ZNF514: variants seen among roughly 807,000 people sequenced by gnomAD.
ZNF514 encodes the protein zinc finger protein 514.
In ZNF514, 12 loss-of-function variants were observed where a neutral mutation model predicts 9.7. The observed-to-expected ratio is 1.24, with a 90% CI of 0.79 to 2.01. The LOEUF (loss-of-function observed/expected upper bound fraction) is 2.01. ZNF514 is among the 30% of genes most tolerant of loss of function. The pLI is 0.00. For synonymous variants in ZNF514, 158 were observed against 163.7 expected, an observed-to-expected ratio of 0.97 and a Z score of 0.27; for missense variants, 467 against 465.5, an observed-to-expected ratio of 1.00 and a Z score of -0.03.
the ZNF514 span, among the ~76,000 whole-genome samples, chr2:95,130,488 G>A: frequency 6.6e-6 from 1 of 152,320 alleles, no homozygotes; most frequent in Middle Eastern, 3.4e-3. Context: ...TGGGAGACTG[G>A]AGTTTATTTG....
At chr2:95,131,564 G>A in the ZNF514 span, among the ~76,000 whole-genome samples, 69 of 152,256 alleles carry the variant, frequency 4.5e-4, no homozygotes, top group Non-Finnish European at 9.0e-4. Flanking sequence ...TTCCAGTGTC[G>A]GGTGTCAGGT....
Position 95,150,272 on chromosome 2 carries a change from TA to T in ZNF514, c.218-6del, listed in dbSNP as rs34282100. 84,474 of 1,291,170 alleles carry T rather than the reference TA, an allele frequency of 0.065. No homozygotes were observed. Among genetic ancestry groups the T allele is most frequent in the East Asian group, 0.09 (3,409 of 37,932 alleles). The allele number at this position is 1,291,170 out of a possible 1,614,324, so 80.0% of individuals were successfully genotyped here. A position where few individuals can be genotyped will look rare whatever the true frequency, so the allele number is the denominator to read the frequency against. On this transcript the variant is annotated splice_region_variant and splice_polypyrimidine_tract_variant and intron_variant, in intron 4 of 4. Transcript: ENST00000295208. ...ATTTAGACCTTCTCTTCCAGTCTGT[TA>T]AAAAAAAAAAAAAAAAAAGAAGACA...
chr2:95,127,561 GTTGTT>G, the ZNF514 span, among the ~76,000 whole-genome samples: 6 of 150,542 alleles, frequency 4.0e-5, no homozygotes, highest in South Asian at 2.1e-4. Context: ...GTGTTTTTTG[GTTGTT>G]TTGTTTTTGT....
chr2:95,134,890 T>C, the ZNF514 span, among the ~76,000 whole-genome samples: 1 of 152,208 alleles, frequency 6.6e-6, no homozygotes, highest in Admixed American at 6.5e-5. Flanking sequence ...TGTTGAAAAT[T>C]AGTTGACCAT....
chr2:95,150,557 T>C (rs949617755), intron 4 of ZNF514, among the ~76,000 whole-genome samples: 1 of 151,860 alleles, frequency 6.6e-6, no homozygotes, highest in African/African-American at 2.4e-5. Context: ...GTAGGAAGGG[T>C]GACAAGGAAA....
At chr2:95,140,631 A>T (rs1204539952), downstream of ZNF514, among the ~76,000 whole-genome samples, 3 of 151,622 alleles carry the variant, frequency 2.0e-5, no homozygotes, top group African/African-American at 7.3e-5. Context: ...ATATATATAT[A>T]TATGTTGGGA....
intron 4 of ZNF514, among the ~76,000 whole-genome samples, chr2:95,151,454 G>GA (rs1323293012): frequency 6.6e-6 from 1 of 152,116 alleles, no homozygotes; most frequent in African/African-American, 2.4e-5. Flanking sequence ...CAAATGAAAA[G>GA]AAAAAAGGTG....
At chr2:95,154,742 G>A (rs1212118431) in intron 2 of ZNF514, 1 of 152,224 alleles carries the variant, frequency 6.6e-6, no homozygotes, top group Non-Finnish European at 1.5e-5. Flanking sequence ...CAGGGTTGGA[G>A]ACAACCAATT....
At chr2:95,128,622 G>A in the ZNF514 span, among the ~76,000 whole-genome samples, 1 of 151,286 alleles carries the variant, frequency 6.6e-6, no homozygotes, top group Non-Finnish European at 1.5e-5. Context: ...AAAGAAAAAG[G>A]AGGAGGAGGG....
chr2:95,126,392 A>AAAAAGAAAGAAAG, the ZNF514 span, among the ~76,000 whole-genome samples: 1 of 84,446 alleles, frequency 1.2e-5, no homozygotes, highest in African/African-American at 5.6e-5. Flanking sequence ...AAAAAAAAAA[A>AAAAAGAAAGAAAG]AAAGAAAGAA....
At chr2:95,150,543 G>A (rs1322151697) in intron 4 of ZNF514, among the ~76,000 whole-genome samples, 2 of 151,768 alleles carry the variant, frequency 1.3e-5, no homozygotes, top group Non-Finnish European at 3.0e-5. Context: ...AAGATGAGAG[G>A]AGGGTAGGAA....
At chr2:95,152,622 TCC>T in intron 4 of ZNF514, 50 bp downstream of exon 4, 1 of 1,507,726 alleles carries the variant, frequency 6.6e-7, no homozygotes. Flanking sequence ...CTGGGCTACC[TCC>T]CACCCCAGCT....
chr2:95,157,427 T>C lies in ZNF514; in HGVS notation c.-83A>G, dbSNP rs1484194868. 4 of 1,289,394 alleles carry C rather than the reference T, an allele frequency of 3.1e-6. No homozygotes were observed. Among genetic ancestry groups the C allele is most frequent in the Admixed American group, 4.6e-5 (2 of 43,526 alleles). The allele number at this position is 1,289,394 out of a possible 1,614,324, so 79.9% of individuals were successfully genotyped here. On this transcript the variant is annotated 5_prime_UTR_variant, in exon 2 of 5. Transcript: ENST00000295208. Reference sequence around the variant, plus strand: ...TCTCTCTGGAGGAAGAGCAGGATTCTGAGAAGGGGAAGCTGGGAAGGTAGA... The same window carrying C: ...TCTCTCTGGAGGAAGAGCAGGATTCCGAGAAGGGGAAGCTGGGAAGGTAGA...
At chr2:95,132,635 A>C in the ZNF514 span, among the ~76,000 whole-genome samples, 1 of 152,056 alleles carries the variant, frequency 6.6e-6, no homozygotes, top group African/African-American at 2.4e-5. Flanking sequence ...TTTGGGAGGC[A>C]AAGATGGGTG....
At chr2:95,153,039 C>T in intron 3 of ZNF514, 94 bp downstream of exon 3, 1 of 1,512,780 alleles carries the variant, frequency 6.6e-7, no homozygotes, top group East Asian at 2.3e-5. Flanking sequence ...AACCCAGGGC[C>T]AAACTTAGCC....
At chr2:95,157,281 T>G in intron 2 of ZNF514, 70 bp downstream of exon 2, 7 of 1,061,664 alleles carry the variant, frequency 6.6e-6, no homozygotes, top group Non-Finnish European at 9.0e-6. Context: ...AAGAGGCTAC[T>G]TTTTGGTGAA....
At position 95,148,501 on chromosome 2, in the gene ZNF514, A is replaced by C. The variant is rs1482947458; in HGVS notation, c.*781T>G. The C allele has an allele frequency of 1.3e-5, 2 of 152,240 alleles. No individual in the cohort carries two copies. The highest frequency in any genetic ancestry group is 6.5e-5 in the Admixed American group (1 of 15,292). The allele number at this position is 152,240 out of a possible 1,614,324, so 9.4% of individuals were successfully genotyped here. ...GGTTTCTCTTTGAGATGAATACTGA[A>C]GCTTGAACTCTACTAATGGGTTTTC... On this transcript the variant is annotated 3_prime_UTR_variant, in exon 5 of 5. Coordinates refer to ENST00000295208, the MANE Select transcript of ZNF514 (RefSeq NM_032788.3).
In ZNF514 at chr2:95,148,281, C is replaced by T. The variant is rs1673418851; in HGVS notation, c.*1001G>A. 6.6e-6 allele frequency: 1 copy of T among 152,194 alleles called. No individual in the cohort carries two copies. Among genetic ancestry groups the T allele is most frequent in the South Asian group, 2.1e-4 (1 of 4,828 alleles). 9.4% of individuals were successfully genotyped at this position (152,194 alleles called of 1,614,324 possible). A position where few individuals can be genotyped will look rare whatever the true frequency, so the allele number is the denominator to read the frequency against. ...GGTAGCTGTCTACCTTTCTCAGCCT[C>T]CATCCTCTGCACCCATGCATGACAC... On this transcript the variant is annotated 3_prime_UTR_variant, in exon 5 of 5. Coordinates refer to ENST00000295208, the MANE Select transcript of ZNF514 (RefSeq NM_032788.3).
the ZNF514 span, among the ~76,000 whole-genome samples, chr2:95,130,184 A>C: frequency 6.6e-6 from 1 of 152,128 alleles, no homozygotes; most frequent in African/African-American, 2.4e-5. Context: ...AGCCACAAAA[A>C]CCAGCAAGTT....
Sources: allele counts gnomAD v4.1 joint callset (sites outside exome capture counted in the v4.1 genomes callset), GRCh38; gene constraint gnomAD v4.1.1; transcripts MANE v1.5; gene names NCBI Gene and HGNC (gene_info 2026-07-23, HGNC 2026-07-21).